The following WWC2 variants were observed in gnomAD, a reference collection of about 807,000 sequenced individuals.
The protein encoded by WWC2 is WW and C2 domain containing 2.
WWC2 carries 101 observed loss-of-function variants against 138.5 expected under a neutral mutation model. That is an observed-to-expected ratio of 0.73 (90% CI 0.62 to 0.86). The LOEUF (loss-of-function observed/expected upper bound fraction) is 0.86. Among genes scored for constraint, WWC2 ranks in the 40% least tolerant of loss-of-function variants. The pLI is 0.00. For synonymous variants in WWC2, 558 were observed against 538.4 expected (o/e 1.04, Z -0.50); for missense variants, 1,420 against 1,419.4 (o/e 1.00, Z -0.01).
chr4:183,306,846 A>G (rs1739037271), intron 21 of WWC2, among the ~76,000 whole-genome samples: 3 of 150,188 alleles, frequency 2.0e-5, no homozygotes, highest in African/African-American at 7.3e-5. Context: ...ATTCTTAGAC[A>G]TCTATGTGAC....
At chr4:183,293,272 A>C (rs537839416) in intron 21 of WWC2, among the ~76,000 whole-genome samples, 3 of 152,296 alleles carry the variant, frequency 2.0e-5, no homozygotes, top group Non-Finnish European at 4.4e-5. Context: ...TAATATTAGA[A>C]AACAGTGAAT....
chr4:183,214,211 G>A (rs972796628), intron 4 of WWC2, among the ~76,000 whole-genome samples: 1 of 152,106 alleles, frequency 6.6e-6, no homozygotes, highest in African/African-American at 2.4e-5. Context: ...GCTGGCTAGG[G>A]GGCACTGTTA....
At chr4:183,099,735 C>T (rs1361716569) in intron 1 of WWC2, 113 bp downstream of exon 1, 1 of 1,062,324 alleles carries the variant, frequency 9.4e-7, no homozygotes, top group Non-Finnish European at 1.2e-6. Flanking sequence ...CCGAGGGGTC[C>T]CGGGAGGGAT....
chr4:183,256,306 CAGT>C (rs1046712002), intron 9 of WWC2, among the ~76,000 whole-genome samples: 3 of 152,182 alleles, frequency 2.0e-5, no homozygotes, highest in African/African-American at 7.2e-5. Context: ...CAAAGTGACT[CAGT>C]AGTTCACATG....
At chr4:183,277,012 G>C (rs1021124769) in intron 16 of WWC2, among the ~76,000 whole-genome samples, 5 of 149,440 alleles carry the variant, frequency 3.3e-5, no homozygotes, top group Admixed American at 2.7e-4. Flanking sequence ...TAAGTTTTAG[G>C]GTACATGTGC....
Position 183,208,986 on chromosome 4 carries a change from C to T in WWC2, c.483C>T (p.Pro161=), listed in dbSNP as rs753357500. The T allele has an allele frequency of 1.3e-5, 21 of 1,560,090 alleles. 1 individual carries two copies. The highest frequency in any genetic ancestry group is 9.5e-5 in the South Asian group (8 of 83,884). The change falls in exon 4 of 23, where the codon CCC becomes CCT. Residue 161 remains proline, a synonymous_variant. Coordinates refer to ENST00000403733, the MANE Select transcript of WWC2 (RefSeq NM_024949.6). ...SGSSSSTKYD[P]DILKAEISTT... Reference sequence around the variant, plus strand: ...CTTCATCCAGTACTAAATATGATCCCGATATTTTAAAAGCTGAGATCTCCA... The same window carrying T: ...CTTCATCCAGTACTAAATATGATCCTGATATTTTAAAAGCTGAGATCTCCA...
At chr4:183,274,330 A>T (rs1331122535) in intron 16 of WWC2, among the ~76,000 whole-genome samples, 1 of 152,228 alleles carries the variant, frequency 6.6e-6, no homozygotes, top group Non-Finnish European at 1.5e-5. Context: ...TCATCATAAC[A>T]GTTCTAAGTC....
chr4:183,276,064 A>AT (rs1428753110), intron 16 of WWC2, among the ~76,000 whole-genome samples: 1 of 152,092 alleles, frequency 6.6e-6, no homozygotes, highest in African/African-American at 2.4e-5. Flanking sequence ...TCATTATAAA[A>AT]TGTTCCTTTT....
chr4:183,261,224 C>G lies in WWC2; in HGVS notation c.1601C>G (p.Pro534Arg), dbSNP rs770219216. 6.2e-6 allele frequency: 10 copies of G among 1,612,908 alleles called. No homozygotes were observed. The highest frequency in any genetic ancestry group is 8.5e-6 in the Non-Finnish European group (10 of 1,179,498). The change falls in exon 11 of 23, where the codon CCT becomes CGT. Residue 534 changes from proline to arginine, a missense_variant. Transcript: ENST00000403733. ...GVAAAATGHTPPLAEAPKSVA... is the reference protein window; with the variant it reads ...GVAAAATGHTRPLAEAPKSVA... ...GCAGCTGCAGCAACAGGCCACACTC[C>G]TCCACTGGCTGAGGCCCCGAAGTCT...
chr4:183,276,532 C>A (rs1049060786), intron 16 of WWC2, among the ~76,000 whole-genome samples: 2 of 152,044 alleles, frequency 1.3e-5, no homozygotes, highest in Middle Eastern at 3.4e-3. Context: ...TTTACTTTTT[C>A]CCAGACAATG....
intron 2 of WWC2, among the ~76,000 whole-genome samples, chr4:183,205,731 G>A (rs368647757): frequency 8.5e-5 from 13 of 152,222 alleles, no homozygotes; most frequent in African/African-American, 2.9e-4. Flanking sequence ...GTCTTATTTA[G>A]CTCTGTTGTT....
chr4:183,304,951 C>G lies in WWC2; in HGVS notation c.3385-7390C>G, dbSNP rs149519316. ...CACATGGCAGGGATGCTGGACTTAT[C>G]AGACCAGGAATTTAAACTAACTGTG... On this transcript the variant is annotated intron_variant, in intron 21 of 22. Coordinates refer to ENST00000403733, the MANE Select transcript of WWC2 (RefSeq NM_024949.6). 2.7e-4 allele frequency among the ~76,000 whole-genome samples: 41 copies of G among 152,302 alleles called. 1 individual carries two copies. In the East Asian group the frequency reaches 7.7e-3, roughly 29 times the overall value.
At chr4:183,188,779 G>T (rs1734897039) in intron 1 of WWC2, among the ~76,000 whole-genome samples, 1 of 151,706 alleles carries the variant, frequency 6.6e-6, no homozygotes, top group Non-Finnish European at 1.5e-5. Flanking sequence ...TGAGTAGCTG[G>T]GATTATAGGC....
At chr4:183,199,382 T>G (rs1735240256) in intron 2 of WWC2, among the ~76,000 whole-genome samples, 1 of 152,206 alleles carries the variant, frequency 6.6e-6, no homozygotes, top group South Asian at 2.1e-4. Flanking sequence ...GCCATGGTAC[T>G]AGCCACTCAT....
chr4:183,159,729 T>TAAA lies in WWC2; in HGVS notation c.132-33860_132-33858dup, dbSNP rs1162694124. Among the ~76,000 whole-genome samples, 288 of 74,432 alleles carry TAAA rather than the reference T, an allele frequency of 3.9e-3. 1 individual carries two copies. The highest frequency in any genetic ancestry group is 0.012 in the African/African-American group (270 of 21,868). The allele number at this position is 74,432 out of a possible 152,430, so 48.8% of individuals were successfully genotyped here. A position where few individuals can be genotyped will look rare whatever the true frequency, so the allele number is the denominator to read the frequency against. On this transcript the variant is annotated intron_variant, in intron 1 of 22. Coordinates refer to ENST00000403733, the MANE Select transcript of WWC2 (RefSeq NM_024949.6). ...TGAACTTACCTTTTTTTTTTTTTTTTAAAAAAAAAAAATTGTTTACAATAC... is the reference window on the plus strand; with the variant it reads ...TGAACTTACCTTTTTTTTTTTTTTTTAAAAAAAAAAAAAAATTGTTTACAATAC...
intron 18 of WWC2, among the ~76,000 whole-genome samples, chr4:183,283,485 G>A (rs1471137794): frequency 6.6e-6 from 1 of 152,186 alleles, no homozygotes; most frequent in Non-Finnish European, 1.5e-5. Flanking sequence ...GTAGAGTTTA[G>A]AAAATTATAA....
intron 21 of WWC2, among the ~76,000 whole-genome samples, chr4:183,305,827 G>A (rs1023045111): frequency 2.0e-5 from 3 of 152,242 alleles, no homozygotes; most frequent in Admixed American, 2.0e-4. Flanking sequence ...CAAAGGAAGA[G>A]CATTGAAAAA....
chr4:183,236,987 AAAG>A (rs1736446657), intron 4 of WWC2, among the ~76,000 whole-genome samples: 2 of 152,166 alleles, frequency 1.3e-5, no homozygotes, highest in Admixed American at 6.5e-5. Flanking sequence ...GGCCACATTT[AAAG>A]AAGAATTGTC....
chr4:183,138,848 A>G (rs1733204421), intron 1 of WWC2, among the ~76,000 whole-genome samples: 1 of 152,166 alleles, frequency 6.6e-6, no homozygotes, highest in African/African-American at 2.4e-5. Context: ...TCTGGCATCT[A>G]GTCCTTCATG....
Sources: allele counts gnomAD v4.1 joint callset (sites outside exome capture counted in the v4.1 genomes callset), GRCh38; gene constraint gnomAD v4.1.1; transcripts MANE v1.5; gene names NCBI Gene and HGNC (gene_info 2026-07-23, HGNC 2026-07-21).